TSPAN9: variants seen among roughly 807,000 people sequenced by gnomAD.
TSPAN9 encodes the protein tetraspanin-9.
In TSPAN9, 16 loss-of-function variants were observed where a neutral mutation model predicts 31.0. The ratio of observed to expected loss-of-function variants is 0.52; its 90% confidence interval spans 0.35 to 0.78. The LOEUF (loss-of-function observed/expected upper bound fraction) is 0.78. Ranked by LOEUF, TSPAN9 falls within the 30% of genes least tolerant of loss-of-function variation. The pLI is 0.01. For missense variants in TSPAN9, 272 were observed against 312.5 expected (o/e 0.87, Z 0.98); for synonymous variants, 145 against 121.6 (o/e 1.19, Z -1.27).
intron 3 of TSPAN9, among the ~76,000 whole-genome samples, chr12:3,216,327 G>A (rs185784916): frequency 7.1e-4 from 108 of 152,314 alleles, no homozygotes; most frequent in Non-Finnish European, 1.2e-3. Context: ...GTAGGTTTTG[G>A]AGGTGCTCAT....
rs1863003441 is a variant in TSPAN9, at chr12:3,285,788, G to C, written c.*2672G>C. The C allele has an allele frequency of 6.6e-6, 1 of 152,206 alleles. No individual in the cohort carries two copies. Among genetic ancestry groups the C allele is most frequent in the Non-Finnish European group, 1.5e-5 (1 of 68,064 alleles). The allele number at this position is 152,206 out of a possible 1,614,324, so 9.4% of individuals were successfully genotyped here. On this transcript the variant is annotated 3_prime_UTR_variant, in exon 9 of 9. Transcript: ENST00000011898. ...CACTTGTCTCAGAAAGTCCCTCAGG[G>C]TTTGTAGAGGACTGCAGGGGGGCAT...
At chr12:3,221,558 C>T (rs1453278251) in intron 3 of TSPAN9, among the ~76,000 whole-genome samples, 1 of 152,046 alleles carries the variant, frequency 6.6e-6, no homozygotes, top group Non-Finnish European at 1.5e-5. Flanking sequence ...AGAGTTTCAC[C>T]ATGTTGGCCA....
intron 2 of TSPAN9, among the ~76,000 whole-genome samples, chr12:3,171,505 C>A (rs1029607465): frequency 2.6e-5 from 4 of 152,206 alleles, no homozygotes; most frequent in Non-Finnish European, 5.9e-5. Context: ...ATCAGACCCA[C>A]CTATCCTTCC....
At chr12:3,252,035 G>A (rs1413590877) in intron 3 of TSPAN9, among the ~76,000 whole-genome samples, 1 of 152,108 alleles carries the variant, frequency 6.6e-6, no homozygotes, top group African/African-American at 2.4e-5. Flanking sequence ...TGAGGGTGAG[G>A]GGTCGTTTTT....
chr12:3,209,171 G>T (rs959235464), intron 3 of TSPAN9, among the ~76,000 whole-genome samples: 86 of 151,332 alleles, frequency 5.7e-4, no homozygotes, highest in African/African-American at 2.0e-3. Context: ...GGAGGTGGAG[G>T]TTGCAGTGAG....
intron 2 of TSPAN9, among the ~76,000 whole-genome samples, chr12:3,128,627 G>C (rs778526408): frequency 4.6e-5 from 7 of 152,074 alleles, no homozygotes; most frequent in Non-Finnish European, 1.0e-4. Context: ...TACCTTCCTG[G>C]CTTTATGGTG....
chr12:3,231,874 G>T (rs7979282), intron 3 of TSPAN9, among the ~76,000 whole-genome samples: 12,615 of 152,296 alleles, frequency 0.083, 639 homozygotes, highest in Middle Eastern at 0.14. Flanking sequence ...TGCTCCTGAC[G>T]CTCTGAGCTC....
chr12:3,163,567 T>A (rs184778170), intron 2 of TSPAN9, among the ~76,000 whole-genome samples: 1 of 152,180 alleles, frequency 6.6e-6, no homozygotes, highest in Admixed American at 6.5e-5. Context: ...TCACACATCG[T>A]TGGTGCTGGG....
intron 2 of TSPAN9, among the ~76,000 whole-genome samples, chr12:3,199,297 C>A (rs1054043550): frequency 6.6e-6 from 1 of 152,182 alleles, no homozygotes. Context: ...GTGGCTCTTG[C>A]CCTCGGGTGC....
intron 2 of TSPAN9, among the ~76,000 whole-genome samples, chr12:3,175,644 C>A (rs1000185946): frequency 6.6e-6 from 1 of 152,152 alleles, no homozygotes; most frequent in Admixed American, 6.5e-5. Context: ...CCCAGGGTCG[C>A]GGGAGGGAGT....
chr12:3,081,493 T>C (rs1484915166), intron 1 of TSPAN9, among the ~76,000 whole-genome samples: 1 of 152,150 alleles, frequency 6.6e-6, no homozygotes, highest in Non-Finnish European at 1.5e-5. Flanking sequence ...CTCTCCTCTT[T>C]CAAGACCTTT....
chr12:3,250,052 G>A (rs61907359), intron 3 of TSPAN9, among the ~76,000 whole-genome samples: 1,866 of 152,194 alleles, frequency 0.012, 8 homozygotes, highest in Middle Eastern at 0.054. Flanking sequence ...TCCACCCATC[G>A]GGCATGGATG....
intron 2 of TSPAN9, among the ~76,000 whole-genome samples, chr12:3,121,161 A>G (rs1251672027): frequency 6.6e-6 from 1 of 152,144 alleles, no homozygotes; most frequent in Non-Finnish European, 1.5e-5. Flanking sequence ...GGCGGTGTGA[A>G]ATGCTTGACA....
chr12:3,198,261 AC>A (rs2098368457), intron 2 of TSPAN9, among the ~76,000 whole-genome samples: 1 of 97,558 alleles, frequency 1.0e-5, no homozygotes. Flanking sequence ...ACAGCTCACC[AC>A]CAGCACAGGC....
At chr12:3,239,524 C>T (rs1398959363) in intron 3 of TSPAN9, among the ~76,000 whole-genome samples, 1 of 152,238 alleles carries the variant, frequency 6.6e-6, no homozygotes, top group African/African-American at 2.4e-5. Context: ...CAGCCGCCAC[C>T]TTCCCCGCTC....
At chr12:3,115,845 A>G (rs562234176) in intron 2 of TSPAN9, among the ~76,000 whole-genome samples, 53 of 152,320 alleles carry the variant, frequency 3.5e-4, no homozygotes, top group African/African-American at 1.2e-3. Flanking sequence ...CTGTGTGTTG[A>G]ACTGTTTAAA....
At chr12:3,250,906 G>T (rs948770253) in intron 3 of TSPAN9, among the ~76,000 whole-genome samples, 5 of 152,196 alleles carry the variant, frequency 3.3e-5, no homozygotes, top group African/African-American at 1.2e-4. Context: ...AGGTTGGACC[G>T]GGGTGACAGG....
chr12:3,211,272 C>T (rs570470976), intron 3 of TSPAN9, among the ~76,000 whole-genome samples: 2 of 152,326 alleles, frequency 1.3e-5, no homozygotes, highest in African/African-American at 4.8e-5. Flanking sequence ...CACCTTTCCC[C>T]ACAGACCTGT....
chr12:3,154,279 G>A (rs1305724708), intron 2 of TSPAN9, among the ~76,000 whole-genome samples: 1 of 152,160 alleles, frequency 6.6e-6, no homozygotes, highest in Non-Finnish European at 1.5e-5. Flanking sequence ...AGGTAGCAGA[G>A]GTCCTGCTTT....
Sources: gnomAD v4.1 joint callset for allele counts (sites outside exome capture counted in the v4.1 genomes callset) on GRCh38, gnomAD v4.1.1 for gene constraint, MANE v1.5 for transcripts, NCBI Gene and HGNC (gene_info 2026-07-23, HGNC 2026-07-21) for gene names.